Variants in PRKD1 observed in about 807,000 individuals in gnomAD.
PRKD1 encodes the protein protein kinase D1.
PRKD1 carries 63 observed loss-of-function variants against 95.9 expected under a neutral mutation model. The observed-to-expected ratio is 0.66, with a 90% CI of 0.54 to 0.81. The LOEUF (loss-of-function observed/expected upper bound fraction) is 0.81, where lower values mean the gene tolerates loss of function less well. Ranked by LOEUF, PRKD1 falls within the 30% of genes least tolerant of loss-of-function variation. The pLI is 0.00. For synonymous variants in PRKD1, 425 were observed against 423.1 expected (o/e 1.00, Z -0.05); for missense variants, 1,048 against 1,165.3 (o/e 0.90, Z 1.47).
chr14:29,916,682 A>T lies in PRKD1; in HGVS notation c.264+10567T>A, dbSNP rs141228334. Among the ~76,000 whole-genome samples the T allele has an allele frequency of 4.1e-4, 62 of 152,352 alleles. No homozygotes were observed. In the East Asian group the frequency reaches 0.011, roughly 28 times the overall value. ...ATTTCCATATTAGAGACACAGACCA[A>T]GCCTTCCAAGGATGCTAAATGCAAA... On this transcript the variant is annotated intron_variant, in intron 1 of 17. Transcript: ENST00000331968.
intron 1 of PRKD1, among the ~76,000 whole-genome samples, chr14:29,771,471 C>A: frequency 6.6e-6 from 1 of 152,148 alleles, no homozygotes; most frequent in Non-Finnish European, 1.5e-5. Context: ...CCAGTTAGCA[C>A]AGGTGGTAAA....
intron 1 of PRKD1, among the ~76,000 whole-genome samples, chr14:29,840,103 G>A (rs772910414): frequency 1.2e-4 from 18 of 152,048 alleles, no homozygotes; most frequent in Non-Finnish European, 2.5e-4. Flanking sequence ...TTGTCAGGCG[G>A]CAAATTTTCA....
chr14:29,783,800 T>C (rs1319590647), intron 1 of PRKD1, among the ~76,000 whole-genome samples: 2 of 152,216 alleles, frequency 1.3e-5, no homozygotes, highest in Non-Finnish European at 2.9e-5. Context: ...GTTGAGAATG[T>C]CCACTCAGAA....
chr14:29,815,936 C>G (rs1259313352), intron 1 of PRKD1, among the ~76,000 whole-genome samples: 1 of 152,060 alleles, frequency 6.6e-6, no homozygotes, highest in Non-Finnish European at 1.5e-5. Flanking sequence ...TTAGTCATAT[C>G]AGGCCGGGCG....
chr14:29,690,339 T>C (rs1379127438), intron 2 of PRKD1, among the ~76,000 whole-genome samples: 1 of 152,184 alleles, frequency 6.6e-6, no homozygotes. Flanking sequence ...ATGGAATATA[T>C]TCAACACCAA....
rs370388183 is a variant in PRKD1 at position 29,646,901 on chromosome 14, CAT to C, written c.697-7999_697-7998del. Among the ~76,000 whole-genome samples, 33 of 152,206 alleles carry C rather than the reference CAT, an allele frequency of 2.2e-4. No homozygotes were observed. The East Asian group carries it at 5.8e-3, about 27-fold the overall frequency. On this transcript the variant is annotated intron_variant, in intron 4 of 17. Transcript: ENST00000331968. Reference sequence around the variant, plus strand: ...GAAATGGAGTTCATATAGGAACGCACATGTTTCCAGGCTCTATAATTCAGGCA... The same window carrying C: ...GAAATGGAGTTCATATAGGAACGCACGTTTCCAGGCTCTATAATTCAGGCA...
At chr14:29,609,506 G>GTGTGCA (rs1555327740) in intron 13 of PRKD1, among the ~76,000 whole-genome samples, 3 of 127,488 alleles carry the variant, frequency 2.4e-5, no homozygotes, top group African/African-American at 8.9e-5. Flanking sequence ...GTGTGTGCGT[G>GTGTGCA]CACACACACA....
At chr14:29,867,525 G>T (rs973937638) in intron 1 of PRKD1, among the ~76,000 whole-genome samples, 4 of 152,222 alleles carry the variant, frequency 2.6e-5, no homozygotes, top group Non-Finnish European at 5.9e-5. Context: ...ACAATGAAAT[G>T]AGGTTTGAGA....
chr14:29,811,551 G>A (rs1053801577), intron 1 of PRKD1, among the ~76,000 whole-genome samples: 1 of 152,214 alleles, frequency 6.6e-6, no homozygotes. Context: ...CTCCTAGAAG[G>A]GGCGGCCACA....
rs966116854 is a variant in PRKD1 at position 29,731,442 on chromosome 14, T to C, written c.265-5768A>G. On this transcript the variant is annotated intron_variant, in intron 1 of 17. Coordinates refer to ENST00000331968, the MANE Select transcript of PRKD1 (RefSeq NM_002742.3). ...TGTTGGGTGGCAAGTTCTATAAATA[T>C]CCGTTAGATTAAGTTGACTGATAGT... is the stretch of plus-strand genomic sequence containing the variant. 7.6e-4 allele frequency among the ~76,000 whole-genome samples: 116 copies of C among 152,328 alleles called. 2 individuals are homozygous for C. Among genetic ancestry groups the C allele is most frequent in the African/African-American group, 2.7e-3 (111 of 41,572 alleles).
chr14:29,731,954 A>T (rs1439893124), intron 1 of PRKD1, among the ~76,000 whole-genome samples: 1 of 151,146 alleles, frequency 6.6e-6, no homozygotes, highest in Non-Finnish European at 1.5e-5. Context: ...GCTTATGGCA[A>T]CCTCCAACTC....
rs572436966 is a variant in PRKD1 at position 29,906,368 on chromosome 14, G to A, written c.264+20881C>T. The stretch of plus-strand genomic sequence containing the variant: ...AGCCTGGGCAACACAGGGAGACTCC[G>A]TCTCTACAGAAAATTTAAAAATTAA... On this transcript the variant is annotated intron_variant, in intron 1 of 17. Coordinates refer to ENST00000331968, the MANE Select transcript of PRKD1 (RefSeq NM_002742.3). Among the ~76,000 whole-genome samples the A allele has an allele frequency of 4.6e-5, 7 of 152,076 alleles. No individual in the cohort carries two copies. The East Asian group carries it at 5.8e-4, about 13-fold the overall frequency.
intron 16 of PRKD1, among the ~76,000 whole-genome samples, chr14:29,591,958 T>G (rs1334137759): frequency 1.3e-5 from 2 of 152,184 alleles, no homozygotes; most frequent in African/African-American, 4.8e-5. Flanking sequence ...CAATTTTCCT[T>G]AGTTGTACCT....
At chr14:29,778,874 T>C (rs1888900412) in intron 1 of PRKD1, among the ~76,000 whole-genome samples, 1 of 152,172 alleles carries the variant, frequency 6.6e-6, no homozygotes, top group Non-Finnish European at 1.5e-5. Flanking sequence ...TGATCACCGA[T>C]GCAAAAATCC....
intron 4 of PRKD1, among the ~76,000 whole-genome samples, chr14:29,650,096 C>T (rs185890354): frequency 2.0e-5 from 3 of 152,102 alleles, no homozygotes; most frequent in South Asian, 2.1e-4. Flanking sequence ...GAGCCACTCT[C>T]GCCACCTCCG....
At chr14:29,826,840 CACACATATATATATATATATATATAT>C (rs1891204296) in intron 1 of PRKD1, among the ~76,000 whole-genome samples, 1 of 15,450 alleles carries the variant, frequency 6.5e-5, no homozygotes, top group South Asian at 3.1e-3. Context: ...TATATATATA[CACACATATATATATATATATATATAT>C]ATATATATAT....
intron 13 of PRKD1, among the ~76,000 whole-genome samples, chr14:29,607,066 C>T (rs1878028881): frequency 1.3e-5 from 2 of 152,140 alleles, no homozygotes; most frequent in African/African-American, 4.8e-5. Flanking sequence ...TTTAATGGAA[C>T]AAAATACTTG....
chr14:29,578,176 TCA>T, intron 17 of PRKD1, 97 bp downstream of exon 17: 1 of 924,192 alleles, frequency 1.1e-6, no homozygotes, highest in Non-Finnish European at 1.6e-6. Flanking sequence ...ATTAGAATAA[TCA>T]CACTTTAAAA....
At chr14:29,798,281 C>T (rs1566607332) in intron 1 of PRKD1, among the ~76,000 whole-genome samples, 1 of 152,230 alleles carries the variant, frequency 6.6e-6, no homozygotes, top group Non-Finnish European at 1.5e-5. Context: ...CTTCCCACTG[C>T]TTTTCAGACT....
Sources: allele counts gnomAD v4.1 joint callset (sites outside exome capture counted in the v4.1 genomes callset), GRCh38; gene constraint gnomAD v4.1.1; transcripts MANE v1.5; gene names NCBI Gene and HGNC (gene_info 2026-07-23, HGNC 2026-07-21).